Variants in UTRN observed in about 807,000 individuals in gnomAD.
UTRN encodes the protein dystrophin-related protein 1.
Under a neutral mutation model 463.9 loss-of-function variants are expected in UTRN, and 283 were observed. The observed-to-expected ratio is 0.61, with a 90% CI of 0.55 to 0.67. The LOEUF is 0.67. Ranked by LOEUF, UTRN falls within the 30% of genes least tolerant of loss-of-function variation. The pLI is 0.00. For missense variants in UTRN, 3,922 were observed against 4,084.3 expected, an observed-to-expected ratio of 0.96 and a Z score of 1.08; for synonymous variants, 1,442 against 1,431.5, an observed-to-expected ratio of 1.01 and a Z score of -0.17.
intron 53 of UTRN, among the ~76,000 whole-genome samples, chr6:144,722,830 G>A (rs1787350528): frequency 6.6e-6 from 1 of 152,146 alleles, no homozygotes; most frequent in South Asian, 2.1e-4. Flanking sequence ...AGACATGTGA[G>A]TGAGGCTGTT....
In UTRN at chr6:144,429,831, T is replaced by C. The variant is rs569749346; in HGVS notation, c.855+90T>C. On this transcript the variant is annotated intron_variant, in intron 9 of 74. Coordinates refer to ENST00000367545, the MANE Select transcript of UTRN (RefSeq NM_007124.3). ...AAAACACTTTTAGAGGGTTTTTTTCTTGACTGAGAACATCTTGGTTTCTCA... is the reference window on the plus strand; with the variant it reads ...AAAACACTTTTAGAGGGTTTTTTTCCTGACTGAGAACATCTTGGTTTCTCA... The C allele has an allele frequency of 7.2e-6, 10 of 1,389,898 alleles. No individual in the cohort carries two copies. In the East Asian group the frequency reaches 2.4e-4, roughly 34 times the overall value. The allele number at this position is 1,389,898 out of a possible 1,614,324, so 86.1% of individuals were successfully genotyped here. A position where few individuals can be genotyped will look rare whatever the true frequency, so the allele number is the denominator to read the frequency against.
At chr6:144,770,122 G>A (rs1793837943) in intron 58 of UTRN, among the ~76,000 whole-genome samples, 1 of 152,184 alleles carries the variant, frequency 6.6e-6, no homozygotes, top group Non-Finnish European at 1.5e-5. Flanking sequence ...AAGAATCTGG[G>A]TAGAGGAGCC....
intron 51 of UTRN, among the ~76,000 whole-genome samples, chr6:144,668,466 G>A (rs1195137489): frequency 6.6e-6 from 1 of 152,316 alleles, no homozygotes; most frequent in Non-Finnish European, 1.5e-5. Flanking sequence ...CTTACAATGA[G>A]TGAGGCTGTC....
At chr6:144,329,002 C>T (rs1584300055) in intron 2 of UTRN, among the ~76,000 whole-genome samples, 1 of 151,584 alleles carries the variant, frequency 6.6e-6, no homozygotes, top group East Asian at 1.9e-4. Context: ...CCAGCCTGAT[C>T]TTGAAGTCCT....
chr6:144,794,115 A>C, intron 63 of UTRN, 124 bp downstream of exon 63: 1 of 1,332,412 alleles, frequency 7.5e-7, no homozygotes. Flanking sequence ...ACCATCCAAC[A>C]AGTGGTGTAT....
chr6:144,717,093 C>A (rs984807316), intron 53 of UTRN, among the ~76,000 whole-genome samples: 1 of 152,164 alleles, frequency 6.6e-6, no homozygotes, highest in African/African-American at 2.4e-5. Context: ...AATGATCAAA[C>A]CAATTTTTTG....
intron 2 of UTRN, among the ~76,000 whole-genome samples, chr6:144,324,001 C>T (rs1016498830): frequency 6.6e-6 from 1 of 152,176 alleles, no homozygotes; most frequent in Non-Finnish European, 1.5e-5. Flanking sequence ...CTATCAACAA[C>T]ATTTGTTTTC....
At chr6:144,699,204 C>T (rs1296077119) in intron 52 of UTRN, among the ~76,000 whole-genome samples, 2 of 152,080 alleles carry the variant, frequency 1.3e-5, no homozygotes, top group Non-Finnish European at 2.9e-5. Flanking sequence ...CTTTGGGAGT[C>T]CCTGGCCGGT....
At chr6:144,760,761 T>C (rs1330749866) in intron 58 of UTRN, among the ~76,000 whole-genome samples, 1 of 152,216 alleles carries the variant, frequency 6.6e-6, no homozygotes, top group East Asian at 1.9e-4. Flanking sequence ...TTTTGCATGA[T>C]TGCCATGCAA....
intron 22 of UTRN, 69 bp from the exon 23 acceptor site, chr6:144,462,585 A>G: frequency 7.1e-7 from 1 of 1,399,668 alleles, no homozygotes; most frequent in African/African-American, 1.5e-5. Flanking sequence ...GACTTTATAT[A>G]GCCCATTTTA....
At chr6:144,603,415 T>G (rs1246751317) in intron 51 of UTRN, among the ~76,000 whole-genome samples, 1 of 152,216 alleles carries the variant, frequency 6.6e-6, no homozygotes, top group Non-Finnish European at 1.5e-5. Context: ...ATACTCTGAT[T>G]AGCCTTGAAT....
intron 52 of UTRN, among the ~76,000 whole-genome samples, chr6:144,690,082 T>TTTTG (rs1783191076): frequency 2.2e-5 from 1 of 44,490 alleles, no homozygotes; most frequent in African/African-American, 1.1e-4. Flanking sequence ...CTGTTTTTTT[T>TTTTG]TTTTTTTTTT....
chr6:144,410,792 G>GTA (rs1244604194), intron 3 of UTRN, among the ~76,000 whole-genome samples: 12 of 127,738 alleles, frequency 9.4e-5, no homozygotes, highest in Admixed American at 2.4e-4. Context: ...TCCATGGTGT[G>GTA]TATATGTGTG....
At chr6:144,809,455 A>T (rs982227054) in intron 65 of UTRN, among the ~76,000 whole-genome samples, 5 of 152,128 alleles carry the variant, frequency 3.3e-5, no homozygotes, top group Non-Finnish European at 7.4e-5. Context: ...AGGTATCCTC[A>T]TGCTGAAGAA....
chr6:144,652,427 C>T (rs1489068028), intron 51 of UTRN, among the ~76,000 whole-genome samples: 1 of 152,168 alleles, frequency 6.6e-6, no homozygotes, highest in African/African-American at 2.4e-5. Context: ...TACGAAGGTG[C>T]TATTCACATT....
intron 73 of UTRN, among the ~76,000 whole-genome samples, chr6:144,844,515 C>T (rs1320114793): frequency 6.6e-6 from 1 of 152,178 alleles, no homozygotes; most frequent in African/African-American, 2.4e-5. Flanking sequence ...GTGACCCACC[C>T]ACCCTGGCCT....
intron 33 of UTRN, among the ~76,000 whole-genome samples, chr6:144,497,575 G>A (rs1010257240): frequency 1.3e-5 from 2 of 151,774 alleles, no homozygotes; most frequent in African/African-American, 4.8e-5. Context: ...CAGCTACTCG[G>A]GAGGCTGAGG....
chr6:144,295,552 T>G (rs933566006), intron 2 of UTRN, among the ~76,000 whole-genome samples: 3 of 152,236 alleles, frequency 2.0e-5, no homozygotes, highest in Non-Finnish European at 4.4e-5. Context: ...GCTGGAAGCC[T>G]GTGTGTAACA....
rs1231868499 is a variant in UTRN, at chr6:144,398,814, T to G, written c.80-4309T>G. The G allele has an allele frequency of 2.6e-5, 4 of 152,640 alleles. No homozygotes were observed. The East Asian group carries it at 7.7e-4, about 29-fold the overall frequency. The allele number at this position is 152,640 out of a possible 1,614,324, so 9.5% of individuals were successfully genotyped here. On this transcript the variant is annotated intron_variant, in intron 2 of 74. Coordinates refer to ENST00000367545, the MANE Select transcript of UTRN (RefSeq NM_007124.3). ...TGTTATTATTGCCCATCGGATTCAT[T>G]CCCCAAGCAACTAGTTCATTGTAAA...
Sources: allele counts gnomAD v4.1 joint callset (sites outside exome capture counted in the v4.1 genomes callset), GRCh38; gene constraint gnomAD v4.1.1; transcripts MANE v1.5; gene names NCBI Gene and HGNC (gene_info 2026-07-23, HGNC 2026-07-21).